PIEZO2: variants seen among roughly 807,000 people sequenced by gnomAD.
The protein encoded by PIEZO2 is piezo-type mechanosensitive ion channel component 2.
PIEZO2 carries 172 observed loss-of-function variants against 337.3 expected under a neutral mutation model. The ratio of observed to expected loss-of-function variants is 0.51; its 90% CI spans 0.45 to 0.58. PIEZO2 has a LOEUF of 0.58. Among genes scored for constraint, PIEZO2 ranks in the 20% least tolerant of loss-of-function variants. The probability of loss-of-function intolerance (pLI) is 0.00; values close to 1 mark genes in which losing one functional copy is unlikely to be tolerated. For missense variants in PIEZO2, 3,028 were observed against 3,391.3 expected (o/e 0.89, Z 2.66); for synonymous variants, 1,251 against 1,228.5 (o/e 1.02, Z -0.38).
chr18:11,003,787 C>T lies in PIEZO2; in HGVS notation c.161-24127G>A, dbSNP rs947364975. Among the ~76,000 whole-genome samples the T allele has an allele frequency of 6.6e-6, 1 of 152,148 alleles. No individual in the cohort carries two copies. Among genetic ancestry groups the T allele is most frequent in the Non-Finnish European group, 1.5e-5 (1 of 68,040 alleles). ...GTACCTAGAAAAATCCCACACAGACCTGGGGAGAACAAGCAAACTCCACAT... is the reference window on the plus strand; with the variant it reads ...GTACCTAGAAAAATCCCACACAGACTTGGGGAGAACAAGCAAACTCCACAT... On this transcript the variant is annotated intron_variant, in intron 2 of 55. Transcript: ENST00000674853. The surrounding 1 kb of genome is among the most constrained non-coding windows in gnomAD (Gnocchi z 4.6).
intron 3 of PIEZO2, among the ~76,000 whole-genome samples, chr18:10,978,573 A>G (rs1376790665): frequency 6.6e-6 from 1 of 152,202 alleles, no homozygotes; most frequent in African/African-American, 2.4e-5. Context: ...GAGGGATAAT[A>G]GTTTATGTAT....
rs4640254 is a variant in PIEZO2 at position 10,759,036 on chromosome 18, T to C, written c.3757+446A>G. On this transcript the variant is annotated intron_variant, in intron 26 of 55. Transcript: ENST00000674853. The surrounding 1 kb of genome is among the most constrained non-coding windows in gnomAD (Gnocchi z 5.5). ...ATCACCAGCTGCCATGGGAAGGCCT[T>C]GGGGCTGCAGCCCAATTCTAGAGCA... 0.21 allele frequency among the ~76,000 whole-genome samples: 31,787 copies of C among 152,174 alleles called. 3,923 individuals carry two copies. Among genetic ancestry groups the C allele is most frequent in the South Asian group, 0.28 (1,349 of 4,816 alleles).
At chr18:10,918,675 G>A (rs1002965221) in intron 3 of PIEZO2, among the ~76,000 whole-genome samples, 2 of 151,668 alleles carry the variant, frequency 1.3e-5, no homozygotes, top group African/African-American at 4.8e-5. Context: ...TTTTATTTTT[G>A]CATAGACTCC....
chr18:11,120,765 T>C (rs1422761012), intron 1 of PIEZO2, among the ~76,000 whole-genome samples: 1 of 152,262 alleles, frequency 6.6e-6, no homozygotes, highest in Non-Finnish European at 1.5e-5. Context: ...CATGTAAACA[T>C]GACTTGAATA....
rs180811255 is a variant in PIEZO2, at chr18:10,866,229, C to G, written c.492+5024G>C. On this transcript the variant is annotated intron_variant, in intron 5 of 55. Transcript: ENST00000674853. The stretch of plus-strand genomic sequence containing the variant: ...TCATTTTTATTATGAGTTGTATACT[C>G]AAGTCCATGCTAGGCAATGTCCACT... Among the ~76,000 whole-genome samples the G allele has an allele frequency of 1.3e-3, 191 of 151,414 alleles. 2 individuals carry two copies. The highest frequency in any genetic ancestry group is 4.4e-3 in the African/African-American group (181 of 41,244).
chr18:11,022,871 A>C (rs1274519670), intron 2 of PIEZO2, among the ~76,000 whole-genome samples: 1 of 151,762 alleles, frequency 6.6e-6, no homozygotes, highest in Non-Finnish European at 1.5e-5. Flanking sequence ...GTGTGTCCGG[A>C]GTTTGTTCCT....
intron 2 of PIEZO2, among the ~76,000 whole-genome samples, chr18:11,062,783 G>C (rs998018610): frequency 7.2e-5 from 11 of 152,184 alleles, no homozygotes; most frequent in Non-Finnish European, 1.3e-4. Context: ...AGGATGTGGA[G>C]AAATAGGAAC....
rs1274754416 is a variant in PIEZO2, at chr18:10,726,403, AG to A, written c.5029+5003del. 3.5e-5 allele frequency: 54 copies of A among 1,527,506 alleles called. No homozygotes were observed. The highest frequency in any genetic ancestry group is 4.5e-5 in the Non-Finnish European group (51 of 1,144,104). 94.6% of individuals were successfully genotyped at this position (1,527,506 alleles called of 1,614,324 possible). On this transcript the variant is annotated intron_variant, in intron 36 of 55. Transcript: ENST00000674853. The surrounding 1 kb of genome is among the most constrained non-coding windows in gnomAD (Gnocchi z 5.9). Reference sequence around the variant, plus strand: ...CTGCGGGGCGGTAACAACGCGCGCCAGCCGTGGCACAACGCGGAGGGCCGGC... The same window carrying A: ...CTGCGGGGCGGTAACAACGCGCGCCACCGTGGCACAACGCGGAGGGCCGGC...
chr18:10,678,073 G>A (rs1403316906), intron 52 of PIEZO2, among the ~76,000 whole-genome samples, 198 bp from the exon 53 acceptor site: 3 of 152,132 alleles, frequency 2.0e-5, no homozygotes, highest in African/African-American at 7.2e-5. Flanking sequence ...ACCCAAGGAG[G>A]CCACAAACAC....
Position 10,993,112 on chromosome 18 carries a change from A to C in PIEZO2, c.161-13452T>G, listed in dbSNP as rs2035171888. On this transcript the variant is annotated intron_variant, in intron 2 of 55. Transcript: ENST00000674853. The surrounding 1 kb of genome is among the most constrained non-coding windows in gnomAD (Gnocchi z 5.0). ...TTTGCTGAAGCTGCTTATCAGCTTA[A>C]GGAGATTTGGGGCTGAGACGATGGG... Among the ~76,000 whole-genome samples the C allele has an allele frequency of 6.6e-6, 1 of 152,180 alleles. No homozygotes were observed. Among genetic ancestry groups the C allele is most frequent in the Non-Finnish European group, 1.5e-5 (1 of 68,032 alleles).
In PIEZO2 at chr18:10,803,978, G is replaced by A; in HGVS notation, c.1097C>T (p.Thr366Ile). 1 of 1,537,334 alleles carries A rather than the reference G, an allele frequency of 6.5e-7. No individual in the cohort carries two copies. The highest frequency in any genetic ancestry group is 8.7e-7 in the Non-Finnish European group (1 of 1,146,944). ...LQEPLVQDEG[T>I]KEEDKALACS... ...AGCCAGGGCTTTGTCCTCTTCTTTG[G>A]TCCCCTCATCCTGCACCTGAAACAC... The change falls in exon 9 of 56, where the codon ACC becomes ATC. Residue 366 changes from threonine (T) to isoleucine (I), a missense_variant. Physicochemically the swap from Thr to Ile is moderately conservative, Grantham distance 89 (BLOSUM62 -1). Transcript: ENST00000674853.
In PIEZO2 at chr18:10,716,533, G is replaced by A. The variant is rs76751276; in HGVS notation, c.5090-717C>T. On this transcript the variant is annotated intron_variant, in intron 37 of 55. Transcript: ENST00000674853. The surrounding 1 kb of genome is among the most constrained non-coding windows in gnomAD (Gnocchi z 4.1). ...ACATTTAAGAAGCAAGGAAAAGAGC[G>A]GGTATCTTTTGCTGAGCAAGGAGGC... Among the ~76,000 whole-genome samples the A allele has an allele frequency of 9.1e-3, 1,389 of 152,272 alleles. 19 individuals are homozygous for A. Among genetic ancestry groups the A allele is most frequent in the African/African-American group, 0.031 (1,289 of 41,542 alleles).
At chr18:10,966,314 C>T (rs1426078175) in intron 3 of PIEZO2, among the ~76,000 whole-genome samples, 1 of 152,190 alleles carries the variant, frequency 6.6e-6, no homozygotes, top group Non-Finnish European at 1.5e-5. Flanking sequence ...CTTCAGTTCT[C>T]TGCTACATCA....
intron 2 of PIEZO2, among the ~76,000 whole-genome samples, chr18:11,014,384 CTCAT>C (rs111869615): frequency 5.0e-4 from 76 of 151,018 alleles, no homozygotes; most frequent in African/African-American, 1.8e-3. Context: ...TCCAGGGCCC[CTCAT>C]TCCTCAGTGT....
intron 52 of PIEZO2, 132 bp downstream of exon 52, chr18:10,680,066 AG>A: frequency 1.4e-6 from 1 of 699,314 alleles, no homozygotes; most frequent in Non-Finnish European, 2.2e-6. Flanking sequence ...TAAGTTCCCA[AG>A]GCTATAATGA....
In PIEZO2 at chr18:10,855,003, C is replaced by A. The variant is rs2041663395; in HGVS notation, c.917+350G>T. On this transcript the variant is annotated intron_variant, in intron 7 of 55. Coordinates refer to ENST00000674853, the MANE Select transcript of PIEZO2 (RefSeq NM_001378183.1). The surrounding 1 kb of genome is among the most constrained non-coding windows in gnomAD (Gnocchi z 4.9). ...CTCGTATATTAGGCCCATGAAACGC[C>A]TTTCTAGCTGGATGCTGTGGCACAT... 6.6e-6 allele frequency among the ~76,000 whole-genome samples: 1 copy of A among 152,156 alleles called. No homozygotes were observed. Among genetic ancestry groups the A allele is most frequent in the Non-Finnish European group, 1.5e-5 (1 of 68,038 alleles).
chr18:11,066,390 T>TTCA (rs2038151788), intron 1 of PIEZO2, among the ~76,000 whole-genome samples, 168 bp from the exon 2 acceptor site: 1 of 152,206 alleles, frequency 6.6e-6, no homozygotes, highest in Non-Finnish European at 1.5e-5. Flanking sequence ...TTATTCTATG[T>TTCA]TCATCACTGT....
At chr18:10,760,031 A>G in intron 24 of PIEZO2, 122 bp from the exon 25 acceptor site, 1 of 804,810 alleles carries the variant, frequency 1.2e-6, no homozygotes, top group Non-Finnish European at 2.0e-6. Flanking sequence ...GTCTGTCTGC[A>G]CAGATTCACA....
chr18:11,103,917 G>T (rs770677419), intron 1 of PIEZO2, among the ~76,000 whole-genome samples: 1 of 151,920 alleles, frequency 6.6e-6, no homozygotes, highest in African/African-American at 2.4e-5. Context: ...CCTCAGCCTC[G>T]TGGGTTCAAG....
Sources: gnomAD v4.1 joint callset for allele counts (sites outside exome capture counted in the v4.1 genomes callset) on GRCh38, gnomAD v4.1.1 for gene constraint, Gnocchi (gnomAD v3.1) non-coding constraint, MANE v1.5 for transcripts, NCBI Gene and HGNC (gene_info 2026-07-23, HGNC 2026-07-21) for gene names.